The following FRMD6 variants were observed in gnomAD, a reference collection of about 807,000 sequenced individuals.
FRMD6 encodes FERM domain containing 6.
FRMD6 carries 37 observed loss-of-function variants against 73.2 expected under a neutral mutation model. The ratio of observed to expected loss-of-function variants is 0.51; its 90% CI spans 0.39 to 0.66. The LOEUF (loss-of-function observed/expected upper bound fraction) is 0.66. Ranked by LOEUF, FRMD6 falls within the 30% of genes least tolerant of loss-of-function variation. The probability of loss-of-function intolerance (pLI) is 0.00; values close to 1 mark genes in which losing one functional copy is unlikely to be tolerated. For missense variants in FRMD6, 714 were observed against 780.5 expected (o/e 0.91, Z 1.02); for synonymous variants, 273 against 282.2 (o/e 0.97, Z 0.33).
upstream of FRMD6, among the ~76,000 whole-genome samples, chr14:51,486,766 A>C (rs1424026184): frequency 6.6e-6 from 1 of 152,176 alleles, no homozygotes; most frequent in African/African-American, 2.4e-5. Context: ...GATGCCAGTC[A>C]TTCTCTCTTT....
At chr14:51,721,730 G>GGAAGGAAGGAAGGAA (rs1566598337) in intron 11 of FRMD6, among the ~76,000 whole-genome samples, 12 of 115,816 alleles carry the variant, frequency 1.0e-4, no homozygotes, top group African/African-American at 4.1e-4. Flanking sequence ...GAGGGAGGAA[G>GGAAGGAAGGAAGGAA]GGAGGGAGGA....
At chr14:51,568,920 A>G (rs944839507) in intron 1 of FRMD6, among the ~76,000 whole-genome samples, 1 of 146,626 alleles carries the variant, frequency 6.8e-6, no homozygotes, top group African/African-American at 2.5e-5. Context: ...GTCTCGGCTC[A>G]CTGCAACTTC....
Position 51,689,670 on chromosome 14 carries a change from TC to T in FRMD6, c.-146-17del. ...TCTTCACCGCCTTTCTTCAGGAGTC[TC>T]CCCTTTGGCTTTTTCACAGCTATGA... On this transcript the variant is annotated intron_variant, in intron 1 of 13. Transcript: ENST00000344768. 1 of 614,570 alleles carries T rather than the reference TC, an allele frequency of 1.6e-6. No homozygotes were observed. Among genetic ancestry groups the T allele is most frequent in the South Asian group, 2.0e-5 (1 of 50,766 alleles). 38.1% of individuals were successfully genotyped at this position (614,570 alleles called of 1,614,324 possible). A position where few individuals can be genotyped will look rare whatever the true frequency, so the allele number is the denominator to read the frequency against.
At chr14:51,558,795 T>C (rs1376211959) in intron 1 of FRMD6, among the ~76,000 whole-genome samples, 3 of 152,198 alleles carry the variant, frequency 2.0e-5, no homozygotes, top group Non-Finnish European at 4.4e-5. Context: ...TTTTTTTGTC[T>C]GCTTTTCATA....
intron 2 of FRMD6, among the ~76,000 whole-genome samples, chr14:51,620,014 G>T (rs1223519861): frequency 6.6e-6 from 1 of 152,148 alleles, no homozygotes; most frequent in African/African-American, 2.4e-5. Context: ...CGGTGAGATA[G>T]GACAAGTTAA....
At chr14:51,563,208 C>T (rs577590524) in intron 1 of FRMD6, among the ~76,000 whole-genome samples, 1 of 152,298 alleles carries the variant, frequency 6.6e-6, no homozygotes, top group East Asian at 1.9e-4. Context: ...CCTCATACAG[C>T]ATCATTTCCA....
chr14:51,625,256 G>A (rs1891073104), intron 2 of FRMD6, among the ~76,000 whole-genome samples: 1 of 152,162 alleles, frequency 6.6e-6, no homozygotes, highest in Non-Finnish European at 1.5e-5. Context: ...TTGTGTGTGT[G>A]TTGGAGGTGG....
chr14:51,457,190 C>T, the FRMD6 span, among the ~76,000 whole-genome samples: 1 of 152,064 alleles, frequency 6.6e-6, no homozygotes, highest in Non-Finnish European at 1.5e-5. Flanking sequence ...TGTTAAATCC[C>T]CTAATTTGAT....
intron 1 of FRMD6, among the ~76,000 whole-genome samples, chr14:51,504,635 C>G (rs1883842058): frequency 6.6e-6 from 1 of 152,298 alleles, no homozygotes; most frequent in Middle Eastern, 3.4e-3. Context: ...CTCTTCAGAT[C>G]CTCTTTCTCT....
At position 51,689,760 on chromosome 14, in the gene FRMD6, G is replaced by C; in HGVS notation, c.-77G>C. ...GGCGTGTGATGAGGAGGCGAGCTTG[G>C]CTTTGGAGTGCTGGGAACCTGAGGA... On this transcript the variant is annotated 5_prime_UTR_variant, in exon 2 of 14. Transcript: ENST00000344768. 1.2e-6 allele frequency: 1 copy of C among 841,808 alleles called. No homozygotes were observed. The highest frequency in any genetic ancestry group is 2.1e-6 in the Non-Finnish European group (1 of 477,730). The allele number at this position is 841,808 out of a possible 1,614,324, so 52.1% of individuals were successfully genotyped here.
the FRMD6 span, among the ~76,000 whole-genome samples, chr14:51,476,109 T>A: frequency 3.3e-5 from 5 of 152,214 alleles, no homozygotes; most frequent in Admixed American, 3.3e-4. Context: ...TCCAGAGTCA[T>A]GCCTTCCACT....
chr14:51,500,461 AG>A (rs1883550580), intron 1 of FRMD6, among the ~76,000 whole-genome samples: 1 of 152,014 alleles, frequency 6.6e-6, no homozygotes, highest in Non-Finnish European at 1.5e-5. Context: ...CTGGAAGCGG[AG>A]GTGGCAGTGA....
chr14:51,570,240 T>A (rs546799720), intron 1 of FRMD6: 24 of 152,344 alleles, frequency 1.6e-4, no homozygotes, highest in African/African-American at 5.8e-4. Flanking sequence ...ATAAAATTGA[T>A]GTATCTTTGG....
chr14:51,550,484 G>A (rs1018779821), intron 1 of FRMD6, among the ~76,000 whole-genome samples: 1 of 152,118 alleles, frequency 6.6e-6, no homozygotes, highest in Non-Finnish European at 1.5e-5. Context: ...GATGAAGATG[G>A]CATTTGTGCC....
At chr14:51,644,928 C>G (rs754823353) in intron 2 of FRMD6, among the ~76,000 whole-genome samples, 1 of 152,212 alleles carries the variant, frequency 6.6e-6, no homozygotes, top group Non-Finnish European at 1.5e-5. Flanking sequence ...CCAGTACTTT[C>G]TTTTCTCCAT....
chr14:51,439,441 T>C, the FRMD6 span, among the ~76,000 whole-genome samples: 1 of 152,250 alleles, frequency 6.6e-6, no homozygotes, highest in Non-Finnish European at 1.5e-5. Flanking sequence ...CAAGGCTCTT[T>C]GCTTTATTCC....
At chr14:51,694,645 G>A (rs1467204288) in intron 2 of FRMD6, among the ~76,000 whole-genome samples, 3 of 152,128 alleles carry the variant, frequency 2.0e-5, no homozygotes, top group Non-Finnish European at 2.9e-5. Context: ...AGTTGTGATC[G>A]TGCCACTGCA....
At chr14:51,551,382 G>A (rs925637949) in intron 1 of FRMD6, among the ~76,000 whole-genome samples, 13 of 152,184 alleles carry the variant, frequency 8.5e-5, no homozygotes, top group African/African-American at 3.1e-4. Context: ...AAAAAGTTCA[G>A]TTGTAATCCT....
intron 1 of FRMD6, chr14:51,546,581 A>AT (rs1886481475): frequency 2.7e-5 from 2 of 73,926 alleles, no homozygotes; most frequent in African/African-American, 1.3e-4. Context: ...CCCCCTCCCC[A>AT]TCAAAAAAAA....
Sources: allele counts gnomAD v4.1 joint callset (sites outside exome capture counted in the v4.1 genomes callset), GRCh38; gene constraint gnomAD v4.1.1; transcripts MANE v1.5; gene names NCBI Gene and HGNC (gene_info 2026-07-23, HGNC 2026-07-21).